The following N4BP2L2 variants were observed in gnomAD, a reference collection of about 807,000 sequenced individuals.
N4BP2L2 encodes NEDD4-binding protein 2-like 2.
Under a neutral mutation model 56.2 loss-of-function variants are expected in N4BP2L2, and 50 were observed. That is an observed-to-expected ratio of 0.89 (90% confidence interval 0.71 to 1.13). The LOEUF (loss-of-function observed/expected upper bound fraction) is 1.13. N4BP2L2 is among the 50% of genes most tolerant of loss of function. N4BP2L2 has a pLI of 0.00. For missense variants in N4BP2L2, 689 were observed against 693.8 expected (o/e 0.99, Z 0.08); for synonymous variants, 203 against 223.6 (o/e 0.91, Z 0.82).
chr13:32,517,238 A>T (rs551412543), exon 6 of N4BP2L2: 1 of 986,288 alleles, frequency 1.0e-6, no homozygotes, highest in African/African-American at 1.7e-5. Context: ...TGACTGATAT[A>T]CCTACTATCT....
intron 3 of N4BP2L2, chr13:32,525,301 T>G (rs955301775): frequency 6.6e-6 from 1 of 152,206 alleles, no homozygotes; most frequent in Non-Finnish European, 1.5e-5. Context: ...TAGACTGCTA[T>G]GCCACCCTCT....
At chr13:32,477,839 T>C (rs1425071939) in intron 6 of N4BP2L2, 1 of 1,282,176 alleles carries the variant, frequency 7.8e-7, no homozygotes, top group Non-Finnish European at 1.0e-6. Context: ...GGCATAGTTG[T>C]TTGCACTGGA....
At chr13:32,463,646 A>G (rs2080639722) in intron 6 of N4BP2L2, among the ~76,000 whole-genome samples, 1 of 144,462 alleles carries the variant, frequency 6.9e-6, no homozygotes, top group African/African-American at 2.6e-5. Context: ...CCTGGGCAAC[A>G]GAGCAAGACT....
At chr13:32,482,602 G>A (rs1200730470) in intron 6 of N4BP2L2, among the ~76,000 whole-genome samples, 1 of 151,600 alleles carries the variant, frequency 6.6e-6, no homozygotes, top group African/African-American at 2.4e-5. Context: ...CTAACCTCAA[G>A]TGATCCTCCC....
exon 6 of N4BP2L2, chr13:32,516,927 A>G: frequency 3.0e-6 from 3 of 983,648 alleles, no homozygotes; most frequent in Non-Finnish European, 3.6e-6. Flanking sequence ...TTATATGAAG[A>G]AACACATCTA....
At chr13:32,443,718 A>G in exon 7 of N4BP2L2, 1 of 1,583,978 alleles carries the variant, frequency 6.3e-7, no homozygotes. Flanking sequence ...TTGGACAAGT[A>G]ACGGAGATTT....
chr13:32,498,005 TGA>T (rs891081627), intron 6 of N4BP2L2, among the ~76,000 whole-genome samples: 5 of 152,196 alleles, frequency 3.3e-5, no homozygotes, highest in African/African-American at 1.2e-4. Context: ...CCTTTTTCTT[TGA>T]GAGAGTCTCC....
chr13:32,536,254 G>C (rs190904262), exon 2 of N4BP2L2: 2 of 1,613,612 alleles, frequency 1.2e-6, no homozygotes, highest in Admixed American at 3.3e-5. Flanking sequence ...TAAATGAAGT[G>C]TCACAAAATG....
chr13:32,434,508 G>A (rs149349185), intron 9 of N4BP2L2, among the ~76,000 whole-genome samples: 1 of 152,102 alleles, frequency 6.6e-6, no homozygotes, highest in East Asian at 1.9e-4. Context: ...TCTGTTTAGG[G>A]TCACACACAG....
chr13:32,445,043 G>A (rs2076833917), intron 6 of N4BP2L2, among the ~76,000 whole-genome samples: 1 of 152,206 alleles, frequency 6.6e-6, no homozygotes, highest in African/African-American at 2.4e-5. Context: ...GAGGTCAGGA[G>A]TTCGAGACCA....
intron 6 of N4BP2L2, among the ~76,000 whole-genome samples, chr13:32,458,228 C>A (rs1172817968): frequency 6.6e-6 from 1 of 152,150 alleles, no homozygotes; most frequent in Non-Finnish European, 1.5e-5. Flanking sequence ...CCACACCCAG[C>A]TACTTTTTTG....
chr13:32,517,766 G>C, exon 6 of N4BP2L2: 1 of 1,604,514 alleles, frequency 6.2e-7, no homozygotes, highest in Non-Finnish European at 8.5e-7. Context: ...TCTTTTTCAA[G>C]TGCAACAACA....
chr13:32,441,621 T>C (rs1047972649), intron 7 of N4BP2L2, among the ~76,000 whole-genome samples: 2 of 146,356 alleles, frequency 1.4e-5, no homozygotes, highest in Admixed American at 6.8e-5. Flanking sequence ...GAAGTGGAGG[T>C]TGCAGTGAGC....
At chr13:32,443,339 T>C (rs766593707) in exon 7 of N4BP2L2, 25 of 1,614,030 alleles carry the variant, frequency 1.5e-5, no homozygotes, top group Non-Finnish European at 2.1e-5. Flanking sequence ...TTCTTTGGTC[T>C]CTGTTCACAT....
At chr13:32,499,620 C>T (rs956099809) in intron 6 of N4BP2L2, among the ~76,000 whole-genome samples, 34 of 152,178 alleles carry the variant, frequency 2.2e-4, no homozygotes, top group Non-Finnish European at 8.8e-5. Flanking sequence ...ATATTCTTCA[C>T]ACTGTTCTTG....
chr13:32,535,697 G>A, intron 2 of N4BP2L2, 72 bp downstream of exon 2: 1 of 1,492,410 alleles, frequency 6.7e-7, no homozygotes, highest in East Asian at 2.3e-5. Flanking sequence ...AGTCACTGCA[G>A]CCGGCGACAA....
chr13:32,470,522 T>C (rs759875171), intron 6 of N4BP2L2, among the ~76,000 whole-genome samples: 1 of 152,210 alleles, frequency 6.6e-6, no homozygotes, highest in Non-Finnish European at 1.5e-5. Context: ...CCTATATCAA[T>C]GCATGAGGCA....
chr13:32,489,355 C>T (rs2086572292), intron 6 of N4BP2L2, among the ~76,000 whole-genome samples: 1 of 152,122 alleles, frequency 6.6e-6, no homozygotes, highest in African/African-American at 2.4e-5. Flanking sequence ...CCAGTAATAA[C>T]AATAACAACT....
At chr13:32,466,806 T>A (rs747635662) in intron 6 of N4BP2L2, among the ~76,000 whole-genome samples, 3 of 152,216 alleles carry the variant, frequency 2.0e-5, no homozygotes, top group Non-Finnish European at 4.4e-5. Flanking sequence ...TCCATTTTAT[T>A]ATTAGTCTTT....
Sources: allele counts gnomAD v4.1 joint callset (sites outside exome capture counted in the v4.1 genomes callset), GRCh38; gene constraint gnomAD v4.1.1; transcripts MANE v1.5; gene names NCBI Gene and HGNC (gene_info 2026-07-23, HGNC 2026-07-21).